Variants in UGT1A8 observed in about 807,000 individuals in gnomAD.
The protein encoded by UGT1A8 is UDP glucuronosyltransferase family 1 member A8.
A neutral mutation model predicts 45.3 loss-of-function variants in UGT1A8; 39 were observed. The ratio of observed to expected loss-of-function variants is 0.86; its 90% CI spans 0.67 to 1.12. The LOEUF is 1.12. Ranked by LOEUF, UGT1A8 falls within the 50% of genes most tolerant of loss-of-function variation. UGT1A8 has a pLI of 0.00. For missense variants in UGT1A8, 719 were observed against 664.9 expected, an observed-to-expected ratio of 1.08 and a Z score of -0.90; for synonymous variants, 275 against 249.2, an observed-to-expected ratio of 1.10 and a Z score of -0.97.
At chr2:233,725,116 C>T (rs2077366977) in intron 1 of UGT1A8, among the ~76,000 whole-genome samples, 1 of 140,206 alleles carries the variant, frequency 7.1e-6, no homozygotes, top group Non-Finnish European at 1.5e-5. Flanking sequence ...AGGGAGGTTG[C>T]AGTGAGCCGA....
At chr2:233,702,910 T>A (rs78155632) in intron 1 of UGT1A8, among the ~76,000 whole-genome samples, 2,672 of 152,282 alleles carry the variant, frequency 0.018, 42 homozygotes, top group East Asian at 0.042. Context: ...ATATTGGAAG[T>A]CTTATTTTCT....
At chr2:233,679,322 G>A (rs555260322) in intron 1 of UGT1A8, among the ~76,000 whole-genome samples, 3 of 152,294 alleles carry the variant, frequency 2.0e-5, no homozygotes, top group African/African-American at 4.8e-5. Context: ...TCCAGAAAAC[G>A]CGTTCTTATT....
At chr2:233,747,450 T>G in intron 1 of UGT1A8, 1 of 1,609,050 alleles carries the variant, frequency 6.2e-7, no homozygotes, top group South Asian at 1.1e-5. Context: ...CCTGACAACC[T>G]ATGCCATTTC....
At chr2:233,661,641 T>TTCTC (rs1404783381) in intron 1 of UGT1A8, among the ~76,000 whole-genome samples, 4 of 143,510 alleles carry the variant, frequency 2.8e-5, no homozygotes, top group Non-Finnish European at 6.2e-5. Flanking sequence ...CTTTCTTTCT[T>TTCTC]TCTTTCTTTC....
chr2:233,624,398 G>A (rs1314301671), intron 1 of UGT1A8, among the ~76,000 whole-genome samples: 1 of 152,022 alleles, frequency 6.6e-6, no homozygotes, highest in African/African-American at 2.4e-5. Flanking sequence ...GTTAAACTGG[G>A]GTTATAGGTT....
chr2:233,646,353 C>G (rs1182911737), intron 1 of UGT1A8, among the ~76,000 whole-genome samples: 1 of 152,206 alleles, frequency 6.6e-6, no homozygotes, highest in Non-Finnish European at 1.5e-5. Flanking sequence ...TAACATTCGG[C>G]TCCTCATTAC....
chr2:233,743,626 G>T (rs1399385903), intron 1 of UGT1A8: 3 of 1,367,322 alleles, frequency 2.2e-6, no homozygotes, highest in Non-Finnish European at 2.9e-6. Flanking sequence ...TGAAGACGTC[G>T]GCTGGGTCGC....
chr2:233,643,090 C>T (rs1283505286), intron 1 of UGT1A8, among the ~76,000 whole-genome samples: 1 of 152,190 alleles, frequency 6.6e-6, no homozygotes, highest in Non-Finnish European at 1.5e-5. Flanking sequence ...TTGGGCTTTA[C>T]AATCAGCAGG....
chr2:233,657,523 C>G (rs901618600), intron 1 of UGT1A8, among the ~76,000 whole-genome samples: 3 of 152,170 alleles, frequency 2.0e-5, no homozygotes, highest in Non-Finnish European at 2.9e-5. Context: ...CAGGAACTCA[C>G]CCATTATCGG....
At position 233,743,458 on chromosome 2, in the gene UGT1A8, A is replaced by C. The variant is rs61736688; in HGVS notation, c.856-23576A>C. On this transcript the variant is annotated intron_variant, in intron 1 of 4. Transcript: ENST00000373450. ...AAATCCTGTATCAAAAGAAGAAAAA[A>C]CACCCCCAAAAGCTGGAAATTCACT... 785 of 1,366,068 alleles carry C rather than the reference A, an allele frequency of 5.7e-4. 6 individuals are homozygous for C. In the Admixed American group the frequency reaches 0.012, roughly 22 times the overall value. 84.6% of individuals were successfully genotyped at this position (1,366,068 alleles called of 1,614,324 possible).
intron 1 of UGT1A8, among the ~76,000 whole-genome samples, chr2:233,626,054 A>G (rs1047556234): frequency 6.6e-6 from 1 of 152,108 alleles, no homozygotes; most frequent in African/African-American, 2.4e-5. Flanking sequence ...GGGTGGCAGA[A>G]GCAGAAGAGG....
intron 1 of UGT1A8, among the ~76,000 whole-genome samples, chr2:233,679,569 G>T (rs1021852302): frequency 6.6e-6 from 1 of 151,752 alleles, no homozygotes; most frequent in African/African-American, 2.4e-5. Context: ...GTTTGTTTTT[G>T]TTTTTTCCAG....
At chr2:233,692,087 A>T (rs2075077184) in intron 1 of UGT1A8, 1 of 152,214 alleles carries the variant, frequency 6.6e-6, no homozygotes, top group Admixed American at 6.5e-5. Flanking sequence ...TTGAAGATTG[A>T]TTTGATCACC....
chr2:233,754,715 GCCTGTC>G, intron 1 of UGT1A8: 1 of 549,762 alleles, frequency 1.8e-6, no homozygotes, highest in Non-Finnish European at 3.3e-6. Flanking sequence ...ACTTGAAGCT[GCCTGTC>G]CCATCACTAC....
intron 1 of UGT1A8, among the ~76,000 whole-genome samples, chr2:233,638,124 G>T (rs986406680): frequency 1.3e-5 from 2 of 152,140 alleles, no homozygotes; most frequent in Admixed American, 1.3e-4. Context: ...TTCCTGAATT[G>T]AGAAGACTGG....
intron 1 of UGT1A8, among the ~76,000 whole-genome samples, chr2:233,759,233 GA>G (rs1406502603): frequency 6.6e-6 from 1 of 152,188 alleles, no homozygotes; most frequent in Non-Finnish European, 1.5e-5. Flanking sequence ...ATGAAGGATG[GA>G]AACTTGCTTA....
chr2:233,754,396 G>C (rs1026750148), intron 1 of UGT1A8: 23 of 330,472 alleles, frequency 7.0e-5, no homozygotes, highest in African/African-American at 4.7e-4. Context: ...GGTCCTATCC[G>C]TGCAGTCCCA....
At chr2:233,672,115 G>C in intron 1 of UGT1A8, 1 of 1,614,188 alleles carries the variant, frequency 6.2e-7, no homozygotes, top group Non-Finnish European at 8.5e-7. Context: ...AGTCATGCCA[G>C]AGGTGAGTTG....
In UGT1A8 at chr2:233,767,884, T is replaced by A. The variant is rs149750520; in HGVS notation, c.1023T>A (p.Asn341Lys). The A allele has an allele frequency of 1.2e-6, 2 of 1,614,080 alleles. No individual in the cohort carries two copies. Among genetic ancestry groups the A allele is most frequent in the African/African-American group, 2.7e-5 (2 of 74,910 alleles). The change falls in exon 3 of 5, where the codon AAT (asparagine) becomes AAA (lysine). Residue 341 changes from asparagine to lysine, a missense_variant. Transcript: ENST00000373450. ...LWRYTGTRPSNLANNTILVKW... is the reference protein window; with the variant it reads ...LWRYTGTRPSKLANNTILVKW... ...GGTACACTGGAACCCGACCATCGAATCTTGCGAACAACACGATACTTGTTA... is the reference window on the plus strand; with the variant it reads ...GGTACACTGGAACCCGACCATCGAAACTTGCGAACAACACGATACTTGTTA...
Sources: gnomAD v4.1 joint callset for allele counts (sites outside exome capture counted in the v4.1 genomes callset) on GRCh38, gnomAD v4.1.1 for gene constraint, MANE v1.5 for transcripts, NCBI Gene and HGNC (gene_info 2026-07-23, HGNC 2026-07-21) for gene names.